The following SGK1 variants were observed in gnomAD, a reference collection of about 807,000 sequenced individuals.
The protein encoded by SGK1 is serine/threonine-protein kinase Sgk1.
In SGK1, 26 loss-of-function variants were observed where a neutral mutation model predicts 64.2. The observed-to-expected ratio is 0.40, with a 90% CI of 0.30 to 0.56. The LOEUF is 0.56. Ranked by LOEUF, SGK1 falls within the 20% of genes least tolerant of loss-of-function variation. The probability of loss-of-function intolerance (pLI) is 0.38; values close to 1 mark genes in which losing one functional copy is unlikely to be tolerated. For missense variants in SGK1, 519 were observed against 645.6 expected (o/e 0.80, Z 2.12); for synonymous variants, 265 against 239.7 (o/e 1.11, Z -0.98).
At chr6:134,261,499 T>A in intron 2 of SGK1, 1 of 322,290 alleles carries the variant, frequency 3.1e-6, no homozygotes, top group Non-Finnish European at 5.7e-6. Flanking sequence ...AAGGAGGGGA[T>A]GAATAGTGGA....
intron 2 of SGK1, among the ~76,000 whole-genome samples, chr6:134,239,505 C>T (rs148184504): frequency 1.3e-4 from 20 of 152,352 alleles, no homozygotes; most frequent in African/African-American, 4.8e-4. Context: ...TTCTAGGTCT[C>T]AATTCTTTAT....
chr6:134,255,274 A>AT (rs1313580827), intron 2 of SGK1, among the ~76,000 whole-genome samples: 1 of 152,054 alleles, frequency 6.6e-6, no homozygotes, highest in Non-Finnish European at 1.5e-5. Context: ...TGATGTTTCC[A>AT]TTTTTTCACC....
chr6:134,244,689 T>A (rs992392143), intron 2 of SGK1, among the ~76,000 whole-genome samples: 1 of 152,168 alleles, frequency 6.6e-6, no homozygotes, highest in African/African-American at 2.4e-5. Context: ...GTACCTCAGT[T>A]GGAAATGCAG....
At chr6:134,175,617 G>C (rs1775208674) in intron 3 of SGK1, 3 of 1,543,530 alleles carry the variant, frequency 1.9e-6, no homozygotes, top group Non-Finnish European at 2.6e-6. Context: ...GCCGCAGCAG[G>C]GACTCGAGCC....
chr6:134,205,156 T>G (rs78862598), intron 3 of SGK1, among the ~76,000 whole-genome samples: 1,889 of 152,250 alleles, frequency 0.012, 36 homozygotes, highest in African/African-American at 0.041. Flanking sequence ...TTTCTTTACA[T>G]AACATCAAGA....
At position 134,269,316 on chromosome 6, in the gene SGK1, T is replaced by G. The variant is rs1190071783; in HGVS notation, c.70-7168A>C. On this transcript the variant is annotated intron_variant, in intron 1 of 13. Transcript: ENST00000367858. ...ATTATAGAGAACTGACTTTGCTTAC[T>G]TGACGCCTCAATAACTTTCAATTTC... Among the ~76,000 whole-genome samples, 3 of 147,186 alleles carry G rather than the reference T, an allele frequency of 2.0e-5. 1 individual carries two copies. The highest frequency in any genetic ancestry group is 4.5e-5 in the Non-Finnish European group (3 of 66,542).
intron 3 of SGK1, among the ~76,000 whole-genome samples, chr6:134,186,497 TAACAA>T (rs1279853003): frequency 6.6e-6 from 1 of 152,222 alleles, no homozygotes; most frequent in Non-Finnish European, 1.5e-5. Context: ...AACATATTCT[TAACAA>T]AACAGGGAGG....
chr6:134,297,352 C>T, intron 1 of SGK1: 1 of 1,003,832 alleles, frequency 1.0e-6, no homozygotes. Flanking sequence ...TGCAGGGCGG[C>T]CTCCAGCTCA....
intron 2 of SGK1, among the ~76,000 whole-genome samples, chr6:134,254,517 T>C (rs1236117396): frequency 2.0e-5 from 3 of 152,170 alleles, no homozygotes; most frequent in South Asian, 4.1e-4. Flanking sequence ...CTGGTGAGTA[T>C]GGTGTTTTCC....
chr6:134,307,710 T>C lies in SGK1; in HGVS notation c.69+9682A>G, dbSNP rs116099024. 9.9e-3 allele frequency among the ~76,000 whole-genome samples: 1,502 copies of C among 152,294 alleles called. 29 individuals carry two copies. Among genetic ancestry groups the C allele is most frequent in the African/African-American group, 0.035 (1,436 of 41,560 alleles). Reference sequence around the variant, plus strand: ...TACAGATGAAACCATCCTCTTTTTTTCCCAAATATTTGACCTGCAGTTGGT... The same window carrying C: ...TACAGATGAAACCATCCTCTTTTTTCCCCAAATATTTGACCTGCAGTTGGT... On this transcript the variant is annotated intron_variant, in intron 1 of 13. Coordinates refer to ENST00000367858, the MANE Select transcript of SGK1 (RefSeq NM_001143676.3).
chr6:134,279,840 A>G (rs1490354049), intron 1 of SGK1, among the ~76,000 whole-genome samples: 1 of 152,162 alleles, frequency 6.6e-6, no homozygotes, highest in South Asian at 2.1e-4. Flanking sequence ...AGTAAGCACT[A>G]TATTACAGTC....
chr6:134,174,076 C>A lies in SGK1; in HGVS notation c.442G>T (p.Glu148Ter). ...ANNSYACKHP[E>*]VQSILKISQP... The stretch of plus-strand genomic sequence containing the variant: ...GAGATCTTCAAGATGGACTGAACTT[C>A]AGGGCTGCAGGGAATAAAGGGCACG... The change falls in exon 5 of 14, where the codon GAA becomes TAA. Residue 148 changes from glutamate to a stop codon, truncating the protein, a stop_gained. Transcript: ENST00000367858. LOFTEE classifies it high-confidence loss of function. The A allele has an allele frequency of 6.2e-7, 1 of 1,612,602 alleles. No homozygotes were observed. Among genetic ancestry groups the A allele is most frequent in the South Asian group, 1.1e-5 (1 of 90,832 alleles).
chr6:134,175,523 G>T, intron 3 of SGK1: 1 of 1,467,548 alleles, frequency 6.8e-7, no homozygotes, highest in Non-Finnish European at 9.1e-7. Flanking sequence ...AGCCCCCAGC[G>T]GGGCCGGCGG....
intron 1 of SGK1, among the ~76,000 whole-genome samples, chr6:134,268,036 C>T (rs545971062): frequency 2.7e-4 from 41 of 152,324 alleles, no homozygotes; most frequent in Middle Eastern, 6.8e-3. Flanking sequence ...ACGATGTTTG[C>T]TTGCTCTTGA....
rs1775004418 is a variant in SGK1 at position 134,171,071 on chromosome 6, G to A, written c.1275C>T (p.Gly425=). 6.2e-7 allele frequency: 1 copy of A among 1,614,116 alleles called. No homozygotes were observed. The highest frequency in any genetic ancestry group is 1.1e-5 in the South Asian group (1 of 91,092). Residue 425 remains glycine, a synonymous_variant, in exon 12 of 14, where the codon GGC becomes GGT. Transcript: ENST00000367858. ...ITNSARHLLE[G]LLQKDRTKRL... is the part of the protein sequence containing the mutation. ...GCTTTGTCCTGTCCTTCTGCAGGAGGCCCTCCAGGAGGTGTCTTGCGGAAT... is the reference window on the plus strand; with the variant it reads ...GCTTTGTCCTGTCCTTCTGCAGGAGACCCTCCAGGAGGTGTCTTGCGGAAT...
chr6:134,206,378 T>C lies in SGK1; in HGVS notation c.361+978A>G, dbSNP rs1352788332. 4.1e-3 allele frequency among the ~76,000 whole-genome samples: 25 copies of C among 6,118 alleles called. 1 individual carries two copies. Among genetic ancestry groups the C allele is most frequent in the African/African-American group, 0.013 (24 of 1,880 alleles). The allele number at this position is 6,118 out of a possible 152,430, so 4.0% of individuals were successfully genotyped here. A position where few individuals can be genotyped will look rare whatever the true frequency, so the allele number is the denominator to read the frequency against. ...ATATATATATATATATATATATATA[T>C]ATATATTTTTTTTTTTTTTTTTTTT... On this transcript the variant is annotated intron_variant, in intron 3 of 13. Transcript: ENST00000367858.
intron 1 of SGK1, among the ~76,000 whole-genome samples, chr6:134,292,486 G>A (rs1177273228): frequency 6.6e-5 from 10 of 152,008 alleles, no homozygotes; most frequent in Non-Finnish European, 1.2e-4. Flanking sequence ...CCAGCTACTC[G>A]GGAGGCTGAC....
At chr6:134,243,349 TTTTA>T (rs943473740) in intron 2 of SGK1, among the ~76,000 whole-genome samples, 10 of 152,188 alleles carry the variant, frequency 6.6e-5, no homozygotes, top group East Asian at 3.9e-4. Flanking sequence ...TGTATTTATT[TTTTA>T]TTTATTTATC....
chr6:134,220,130 G>A (rs940743167), intron 2 of SGK1, among the ~76,000 whole-genome samples: 11 of 143,802 alleles, frequency 7.6e-5, no homozygotes, highest in Non-Finnish European at 1.1e-4. Context: ...AAATTATTAA[G>A]TAAAAATTAT....
Sources: gnomAD v4.1 joint callset for allele counts (sites outside exome capture counted in the v4.1 genomes callset) on GRCh38, gnomAD v4.1.1 for gene constraint, MANE v1.5 for transcripts, NCBI Gene and HGNC (gene_info 2026-07-23, HGNC 2026-07-21) for gene names.